SYNGR3: variants seen among roughly 807,000 people sequenced by gnomAD.
SYNGR3 encodes the protein synaptogyrin 3.
In SYNGR3, 10 loss-of-function variants were observed where a neutral mutation model predicts 18.5. The observed-to-expected ratio is 0.54, with a 90% confidence interval of 0.33 to 0.92. The LOEUF is 0.92. Among genes scored for constraint, SYNGR3 ranks in the 40% least tolerant of loss-of-function variants. The pLI, the probability that SYNGR3 is intolerant of heterozygous loss-of-function variation, is 0.02. For synonymous variants in SYNGR3, 188 were observed against 157.2 expected (o/e 1.20, Z -1.47); for missense variants, 335 against 332.8 (o/e 1.01, Z -0.05).
At chr16:1,992,452 G>A (rs1481293692) in intron 2 of SYNGR3, 184 bp from the exon 3 acceptor site, 5 of 931,758 alleles carry the variant, frequency 5.4e-6, no homozygotes, top group East Asian at 3.3e-5. Flanking sequence ...GCCTGGGCGC[G>A]GAACGGGTCT....
At position 1,991,498 on chromosome 16, in the gene SYNGR3, C is replaced by G. The variant is rs538972385; in HGVS notation, c.100-476C>G. 1.5e-4 allele frequency: 23 copies of G among 154,912 alleles called. No homozygotes were observed. The South Asian group carries it at 4.0e-3, about 27-fold the overall frequency. The allele number at this position is 154,912 out of a possible 1,614,324, so 9.6% of individuals were successfully genotyped here. On this transcript the variant is annotated intron_variant, in intron 1 of 3. Coordinates refer to ENST00000248121, the MANE Select transcript of SYNGR3 (RefSeq NM_004209.6). ...TCACCTCCCCTTCGCCGTTCCGGCT[C>G]CAGCCTGGGAATCGCGGGCCCAGGT...
rs746062578 is a variant in SYNGR3 at position 1,993,102 on chromosome 16, G to T, written c.*30G>T. On this transcript the variant is annotated 3_prime_UTR_variant, in exon 4 of 4. Coordinates refer to ENST00000248121, the MANE Select transcript of SYNGR3 (RefSeq NM_004209.6). Reference sequence around the variant, plus strand: ...TGGCAGGCACAGACCAGGGCTCCAAGGCCACCCCACCAACGCAGGCCCCAG... The same window carrying T: ...TGGCAGGCACAGACCAGGGCTCCAATGCCACCCCACCAACGCAGGCCCCAG... 3 of 1,589,594 alleles carry T rather than the reference G, an allele frequency of 1.9e-6. No individual in the cohort carries two copies. The Admixed American group carries it at 5.3e-5, about 28-fold the overall frequency.
Position 1,993,742 on chromosome 16 carries a change from G to T in SYNGR3, c.*670G>T. 2.6e-6 allele frequency: 1 copy of T among 390,558 alleles called. No individual in the cohort carries two copies. Among genetic ancestry groups the T allele is most frequent in the South Asian group, 1.9e-5 (1 of 53,762 alleles). The allele number at this position is 390,558 out of a possible 1,614,324, so 24.2% of individuals were successfully genotyped here. A position where few individuals can be genotyped will look rare whatever the true frequency, so the allele number is the denominator to read the frequency against. ...GCCAGGAAGGCACAAGGTAGCTGTGGGCCAAGACACCAGCCCTGTCCTAGC... is the reference window on the plus strand; with the variant it reads ...GCCAGGAAGGCACAAGGTAGCTGTGTGCCAAGACACCAGCCCTGTCCTAGC... On this transcript the variant is annotated 3_prime_UTR_variant, in exon 4 of 4. Transcript: ENST00000248121.
chr16:1,993,651 C>T lies in SYNGR3; in HGVS notation c.*579C>T. The T allele has an allele frequency of 2.2e-6, 1 of 450,688 alleles. No homozygotes were observed. The highest frequency in any genetic ancestry group is 1.6e-5 in the South Asian group (1 of 63,952). 27.9% of individuals were successfully genotyped at this position (450,688 alleles called of 1,614,324 possible). ...ATGGTCCAGTCTTCGGGTTTCACCTCCTAGTACTCCACAAGCTGCTCCTCT... is the reference window on the plus strand; with the variant it reads ...ATGGTCCAGTCTTCGGGTTTCACCTTCTAGTACTCCACAAGCTGCTCCTCT... On this transcript the variant is annotated 3_prime_UTR_variant, in exon 4 of 4. Transcript: ENST00000248121.
chr16:1,990,098 C>G lies in SYNGR3; in HGVS notation c.-5C>G. 8.3e-7 allele frequency: 1 copy of G among 1,202,574 alleles called. No homozygotes were observed. The highest frequency in any genetic ancestry group is 1.0e-6 in the Non-Finnish European group (1 of 967,610). The allele number at this position is 1,202,574 out of a possible 1,614,324, so 74.5% of individuals were successfully genotyped here. On this transcript the variant is annotated 5_prime_UTR_variant, in exon 1 of 4. Coordinates refer to ENST00000248121, the MANE Select transcript of SYNGR3 (RefSeq NM_004209.6). ...CCAGGGGCGCGCGTCCCGCCCGGGC[C>G]GGCCATGGAGGGCGCCTCCTTCGGC... is the stretch of plus-strand genomic sequence containing the variant.
chr16:1,992,832 C>G, intron 3 of SYNGR3, 31 bp from the exon 4 acceptor site: 2 of 1,517,950 alleles, frequency 1.3e-6, no homozygotes, highest in African/African-American at 1.4e-5. Flanking sequence ...CGGCTGATCC[C>G]GGCTGACCCC....
Position 1,991,939 on chromosome 16 carries a change from T to A in SYNGR3, c.100-35T>A, listed in dbSNP as rs1228372542. 2.6e-6 allele frequency: 4 copies of A among 1,542,908 alleles called. No homozygotes were observed. In the African/African-American group the frequency reaches 4.3e-5, roughly 16 times the overall value. ...TCGAGGCGGGCTCGCAGAGGTCGGG[T>A]CGCCGCAGGGCCCTGAGCGCCGCGC... On this transcript the variant is annotated intron_variant, in intron 1 of 3. Transcript: ENST00000248121.
rs532332290 is a variant in SYNGR3, at chr16:1,992,192, G to A, written c.318G>A (p.Leu106=). 34 of 1,430,862 alleles carry A rather than the reference G, an allele frequency of 2.4e-5. No individual in the cohort carries two copies. The African/African-American group carries it at 4.3e-4, about 18-fold the overall frequency. The allele number at this position is 1,430,862 out of a possible 1,614,324, so 88.6% of individuals were successfully genotyped here. The change falls in exon 2 of 4, where the codon TTG becomes TTA. Residue 106 remains leucine (L), a synonymous_variant. Coordinates refer to ENST00000248121, the MANE Select transcript of SYNGR3 (RefSeq NM_004209.6). The part of the protein sequence containing the change: ...SSVRDRRRAV[L]LDLGFSGLWS... ...TCCGCGACCGCCGGCGCGCGGTGTT[G>A]CTGGACCTGGGCTTCTCAGGTGGGC...
chr16:1,993,013 C>G lies in SYNGR3; in HGVS notation c.631C>G (p.Pro211Ala). The change falls in exon 4 of 4, where the codon CCG becomes GCG. Residue 211 changes from proline (P) to alanine (A), a missense_variant. Transcript: ENST00000248121. Reference protein sequence around the residue: ...GVEGTETYQSPPFTETLDTSP... With the variant: ...GVEGTETYQSAPFTETLDTSP... ...GGAGGGCACCGAGACCTACCAGAGCCCGCCCTTCACCGAGACCCTGGACAC... is the reference window on the plus strand; with the variant it reads ...GGAGGGCACCGAGACCTACCAGAGCGCGCCCTTCACCGAGACCCTGGACAC... 1.2e-6 allele frequency: 2 copies of G among 1,612,108 alleles called. No individual in the cohort carries two copies. Among genetic ancestry groups the G allele is most frequent in the Non-Finnish European group, 1.7e-6 (2 of 1,179,768 alleles).
rs1044332586 is a variant in SYNGR3 at position 1,993,726 on chromosome 16, G to A, written c.*654G>A. ...GGTGTGGGTGGTTCTGGCCAGGAAG[G>A]CACAAGGTAGCTGTGGGCCAAGACA... On this transcript the variant is annotated 3_prime_UTR_variant, in exon 4 of 4. Transcript: ENST00000248121. The A allele has an allele frequency of 2.3e-5, 9 of 398,384 alleles. No individual in the cohort carries two copies. Among genetic ancestry groups the A allele is most frequent in the South Asian group, 1.1e-4 (6 of 54,570 alleles). The allele number at this position is 398,384 out of a possible 1,614,324, so 24.7% of individuals were successfully genotyped here.
At chr16:1,991,872 A>T in intron 1 of SYNGR3, 102 bp from the exon 2 acceptor site, 1 of 1,006,060 alleles carries the variant, frequency 9.9e-7, no homozygotes, top group South Asian at 1.7e-5. Context: ...CCACCCAGAT[A>T]CGGGCCTGGG....
At position 1,992,819 on chromosome 16, in the gene SYNGR3, G is replaced by T. The variant is rs944082466; in HGVS notation, c.480+41G>T. The stretch of plus-strand genomic sequence containing the variant: ...GGGAGGGCGGGGCGAAGGGGCGGGC[G>T]CTCGGCTGATCCCGGCTGACCCCGC... On this transcript the variant is annotated intron_variant, in intron 3 of 3. Transcript: ENST00000248121. 11 of 1,506,862 alleles carry T rather than the reference G, an allele frequency of 7.3e-6. No homozygotes were observed. The South Asian group carries it at 1.1e-4, about 14-fold the overall frequency. 93.3% of individuals were successfully genotyped at this position (1,506,862 alleles called of 1,614,324 possible). A position where few individuals can be genotyped will look rare whatever the true frequency, so the allele number is the denominator to read the frequency against.
intron 1 of SYNGR3, 62 bp downstream of exon 1, chr16:1,990,263 C>CGGGGGGG: frequency 1.2e-6 from 1 of 814,058 alleles, no homozygotes; most frequent in Non-Finnish European, 1.6e-6. Flanking sequence ...AGGCCCCTAC[C>CGGGGGGG]AGCCCCCTGC....
intron 1 of SYNGR3, 141 bp from the exon 2 acceptor site, chr16:1,991,833 T>G: frequency 1.5e-6 from 1 of 653,800 alleles, no homozygotes; most frequent in Non-Finnish European, 2.5e-6. Flanking sequence ...TACGCGAGGG[T>G]TCGGGAAAGA....
chr16:1,993,247 G>A lies in SYNGR3; in HGVS notation c.*175G>A. 1.3e-6 allele frequency: 1 copy of A among 755,474 alleles called. No homozygotes were observed. The highest frequency in any genetic ancestry group is 2.1e-6 in the Non-Finnish European group (1 of 469,664). 46.8% of individuals were successfully genotyped at this position (755,474 alleles called of 1,614,324 possible). A position where few individuals can be genotyped will look rare whatever the true frequency, so the allele number is the denominator to read the frequency against. On this transcript the variant is annotated 3_prime_UTR_variant, in exon 4 of 4. Coordinates refer to ENST00000248121, the MANE Select transcript of SYNGR3 (RefSeq NM_004209.6). ...CGCGTGTCTGGGCTGCCCCTGCCAA[G>A]TTCCCCCAGTCCCTCAGCACCTGGC... is the stretch of plus-strand genomic sequence containing the variant.
chr16:1,992,995 A>G lies in SYNGR3; in HGVS notation c.613A>G (p.Thr205Ala). 1 of 1,612,028 alleles carries G rather than the reference A, an allele frequency of 6.2e-7. No homozygotes were observed. Among genetic ancestry groups the G allele is most frequent in the Non-Finnish European group, 8.5e-7 (1 of 1,179,744 alleles). Residue 205 changes from threonine (T) to alanine (A), a missense_variant, in exon 4 of 4, where the codon ACC (threonine) becomes GCC (alanine). By Grantham distance (58) the Thr-to-Ala change is moderately conservative (BLOSUM62 0). Coordinates refer to ENST00000248121, the MANE Select transcript of SYNGR3 (RefSeq NM_004209.6). The stretch of plus-strand genomic sequence containing the variant: ...TCCGGTGGGCAGCGGCGTGGAGGGC[A>G]CCGAGACCTACCAGAGCCCGCCCTT... ...GYPVGSGVEG[T>A]ETYQSPPFTE...
chr16:1,993,018 C>A lies in SYNGR3; in HGVS notation c.636C>A (p.Pro212=), dbSNP rs370351437. 1 of 1,612,146 alleles carries A rather than the reference C, an allele frequency of 6.2e-7. No individual in the cohort carries two copies. The highest frequency in any genetic ancestry group is 1.1e-5 in the South Asian group (1 of 91,036). ...VEGTETYQSP[P]FTETLDTSPK... The stretch of plus-strand genomic sequence containing the variant: ...GCACCGAGACCTACCAGAGCCCGCC[C>A]TTCACCGAGACCCTGGACACCAGCC... The change falls in exon 4 of 4, where the codon CCC becomes CCA. Residue 212 remains proline, a synonymous_variant. Transcript: ENST00000248121.
Position 1,992,786 on chromosome 16 carries a change from C to T in SYNGR3, c.480+8C>T. ...TTCTCCATCCTCAGCTGGGTGAGTG[C>T]GGGGCCCGGGAGGGCGGGGCGAAGG... On this transcript the variant is annotated splice_region_variant and intron_variant, in intron 3 of 3. Transcript: ENST00000248121. 1.3e-6 allele frequency: 2 copies of T among 1,536,688 alleles called. No homozygotes were observed. The highest frequency in any genetic ancestry group is 8.7e-7 in the Non-Finnish European group (1 of 1,146,884).
chr16:1,991,986 G>T lies in SYNGR3; in HGVS notation c.112G>T (p.Ala38Ser). Residue 38 changes from alanine to serine, a missense_variant, in exon 2 of 4, where the codon GCC becomes TCC. By Grantham distance (99) the Ala-to-Ser change is moderately conservative. Coordinates refer to ENST00000248121, the MANE Select transcript of SYNGR3 (RefSeq NM_004209.6). The part of the protein sequence containing the change: ...LRVASWVFSI[A>S]VFGPIVNEGY... ...GCGCCGCACGCAGGTGTTCTCCATCGCCGTCTTCGGGCCCATCGTCAACGA... is the reference window on the plus strand; with the variant it reads ...GCGCCGCACGCAGGTGTTCTCCATCTCCGTCTTCGGGCCCATCGTCAACGA... 1 of 1,595,048 alleles carries T rather than the reference G, an allele frequency of 6.3e-7. No individual in the cohort carries two copies.
Sources: allele counts gnomAD v4.1 joint callset, GRCh38; gene constraint gnomAD v4.1.1; transcripts MANE v1.5; gene names NCBI Gene and HGNC (gene_info 2026-07-23, HGNC 2026-07-21).